PDE4D: variants seen among roughly 807,000 people sequenced by gnomAD.
PDE4D encodes the protein phosphodiesterase 4D.
Under a neutral mutation model 87.4 loss-of-function variants are expected in PDE4D, and 24 were observed. The observed-to-expected ratio is 0.27, with a 90% CI of 0.20 to 0.39. The LOEUF (loss-of-function observed/expected upper bound fraction) is 0.39. Ranked by LOEUF, PDE4D falls within the 10% of genes least tolerant of loss-of-function variation. The pLI, the probability that PDE4D is intolerant of heterozygous loss-of-function variation, is 1.00. For missense variants in PDE4D, 714 were observed against 1,041.0 expected, an observed-to-expected ratio of 0.69 and a Z score of 4.32; for synonymous variants, 384 against 383.2, an observed-to-expected ratio of 1.00 and a Z score of -0.02.
intron 1 of PDE4D, chr5:59,586,974 A>G (rs926298410): frequency 3.0e-5 from 30 of 985,330 alleles, no homozygotes; most frequent in Non-Finnish European, 3.6e-5. Flanking sequence ...GCTAGAAACC[A>G]TGTATCACCA....
intron 1 of PDE4D, among the ~76,000 whole-genome samples, chr5:59,394,973 T>C (rs682796): frequency 0.64 from 97,127 of 151,738 alleles, 31,521 homozygotes; most frequent in South Asian, 0.77. Context: ...GGGTGACGGA[T>C]GGCACCTGGA....
intron 11 of PDE4D, among the ~76,000 whole-genome samples, chr5:58,985,895 T>A (rs1746307680): frequency 6.6e-6 from 1 of 152,256 alleles, no homozygotes; most frequent in Admixed American, 6.5e-5. Context: ...GATAATTCTC[T>A]TACATGATCC....
chr5:59,428,645 A>C (rs1795665921), intron 1 of PDE4D, among the ~76,000 whole-genome samples: 1 of 152,170 alleles, frequency 6.6e-6, no homozygotes, highest in South Asian at 2.1e-4. Flanking sequence ...GATTCAAAAG[A>C]AGTTGAGGTT....
chr5:59,411,261 T>A (rs1023162471), intron 1 of PDE4D, among the ~76,000 whole-genome samples: 1 of 152,228 alleles, frequency 6.6e-6, no homozygotes. Flanking sequence ...TGTTGATTTT[T>A]TCCTCTCCTT....
At chr5:59,157,743 T>C (rs1561588935) in intron 5 of PDE4D, among the ~76,000 whole-genome samples, 1 of 152,146 alleles carries the variant, frequency 6.6e-6, no homozygotes, top group Non-Finnish European at 1.5e-5. Flanking sequence ...TACTTCTCCC[T>C]CCAATTCTTG....
chr5:59,874,708 A>G (rs1404148327), intron 1 of PDE4D, among the ~76,000 whole-genome samples: 3 of 152,338 alleles, frequency 2.0e-5, no homozygotes, highest in Non-Finnish European at 4.4e-5. Flanking sequence ...GACTATGTCA[A>G]TTATCACAGT....
At chr5:59,588,567 A>G (rs896444085) in intron 1 of PDE4D, among the ~76,000 whole-genome samples, 2 of 152,222 alleles carry the variant, frequency 1.3e-5, no homozygotes, top group African/African-American at 4.8e-5. Flanking sequence ...TGCAGAAAAT[A>G]TTACCCAAGA....
At chr5:59,406,060 G>A (rs1420055117) in intron 1 of PDE4D, among the ~76,000 whole-genome samples, 2 of 152,138 alleles carry the variant, frequency 1.3e-5, no homozygotes, top group Non-Finnish European at 2.9e-5. Flanking sequence ...AAGTGTGGAA[G>A]TACTCCCTCC....
chr5:60,062,408 T>C (rs573281240), intron 2 of PDE4D, among the ~76,000 whole-genome samples: 97 of 151,608 alleles, frequency 6.4e-4, no homozygotes, highest in African/African-American at 2.3e-3. Context: ...AAAGAAGTCA[T>C]GAAACAACAG....
chr5:60,017,667 G>T (rs1303276865), intron 2 of PDE4D, among the ~76,000 whole-genome samples: 8 of 152,120 alleles, frequency 5.3e-5, no homozygotes. Flanking sequence ...TGGTGTATAT[G>T]TACCATATTT....
chr5:59,110,577 G>A (rs6898082), intron 5 of PDE4D, among the ~76,000 whole-genome samples: 36,852 of 152,194 alleles, frequency 0.24, 5,216 homozygotes, highest in Middle Eastern at 0.36. Context: ...TTACCATTAT[G>A]AAAACTGAGG....
In PDE4D at chr5:60,337,351, CTATATATATATATATATATAT is replaced by C. The variant is rs1268292297; in HGVS notation, c.-90+150570_-90+150590del. On this transcript the variant is annotated intron_variant, in intron 1 of 16. Transcript: ENST00000502484. ...TTGTCTCAAAAAACAAACAAACAAA[CTATATATATATATATATATAT>C]ATATATATATATATATACACACACA... Among the ~76,000 whole-genome samples, 124 of 62,264 alleles carry C rather than the reference CTATATATATATATATATATAT, an allele frequency of 2.0e-3. 1 individual carries two copies. The highest frequency in any genetic ancestry group is 5.8e-3 in the African/African-American group (119 of 20,396). 40.8% of individuals were successfully genotyped at this position (62,264 alleles called of 152,430 possible).
At chr5:59,822,483 CT>C (rs969299042) in intron 1 of PDE4D, among the ~76,000 whole-genome samples, 68 of 152,104 alleles carry the variant, frequency 4.5e-4, no homozygotes, top group South Asian at 6.2e-4. Flanking sequence ...GTAACTTCCC[CT>C]TTTTTAAACC....
intron 1 of PDE4D, among the ~76,000 whole-genome samples, chr5:59,415,279 CTT>C (rs1169940602): frequency 4.6e-5 from 7 of 152,144 alleles, no homozygotes; most frequent in African/African-American, 1.7e-4. Context: ...ACGGGATTTT[CTT>C]CAGGAGAGCT....
chr5:59,018,310 C>T (rs900450571), intron 6 of PDE4D, among the ~76,000 whole-genome samples: 3 of 152,214 alleles, frequency 2.0e-5, no homozygotes, highest in Admixed American at 1.3e-4. Context: ...AATGTACAGA[C>T]AGGCAGACAG....
At chr5:59,439,896 C>T (rs1562192100) in intron 1 of PDE4D, among the ~76,000 whole-genome samples, 1 of 152,074 alleles carries the variant, frequency 6.6e-6, no homozygotes, top group Admixed American at 6.6e-5. Flanking sequence ...TGGTACACTG[C>T]TTGTTAAATA....
intron 1 of PDE4D, among the ~76,000 whole-genome samples, chr5:59,254,823 G>A (rs1335513875): frequency 6.6e-6 from 1 of 152,088 alleles, no homozygotes; most frequent in Non-Finnish European, 1.5e-5. Flanking sequence ...TACGCAGAAA[G>A]ATGCTTTTGA....
At chr5:60,359,145 G>A (rs555153379) in intron 1 of PDE4D, among the ~76,000 whole-genome samples, 4 of 152,146 alleles carry the variant, frequency 2.6e-5, no homozygotes, top group Non-Finnish European at 5.9e-5. Flanking sequence ...TGTGGCTCAC[G>A]CCTGTAGTCC....
intron 3 of PDE4D, among the ~76,000 whole-genome samples, chr5:59,934,077 A>C (rs1330803362): frequency 6.6e-6 from 1 of 152,022 alleles, no homozygotes; most frequent in Non-Finnish European, 1.5e-5. Context: ...TCCGCCTCCC[A>C]GGCTCAAACG....
Sources: allele counts gnomAD v4.1 joint callset (sites outside exome capture counted in the v4.1 genomes callset), GRCh38; gene constraint gnomAD v4.1.1; transcripts MANE v1.5; gene names NCBI Gene and HGNC (gene_info 2026-07-23, HGNC 2026-07-21).